The following TENM2 variants were observed in gnomAD, a reference collection of about 807,000 sequenced individuals.
TENM2 encodes teneurin-2.
Under a neutral mutation model 245.2 loss-of-function variants are expected in TENM2, and 52 were observed. That is an observed-to-expected ratio of 0.21 (90% CI 0.17 to 0.27). TENM2 has a LOEUF of 0.27. Among genes scored for constraint, TENM2 ranks in the 10% least tolerant of loss-of-function variants. The pLI, the probability that TENM2 is intolerant of heterozygous loss-of-function variation, is 1.00. For missense variants in TENM2, 3,046 were observed against 3,666.8 expected (o/e 0.83, Z 4.37); for synonymous variants, 1,363 against 1,438.9 (o/e 0.95, Z 1.19).
intron 2 of TENM2, among the ~76,000 whole-genome samples, chr5:167,720,380 G>A (rs1315265963): frequency 6.6e-6 from 1 of 152,164 alleles, no homozygotes; most frequent in African/African-American, 2.4e-5. Context: ...GGATAGTCCA[G>A]GCAGTGATGA....
chr5:167,105,448 A>G, the TENM2 span, among the ~76,000 whole-genome samples: 1 of 152,194 alleles, frequency 6.6e-6, no homozygotes. Context: ...ATTAATTAAT[A>G]CATTTTAACC....
chr5:167,941,959 G>A (rs1779218522), intron 3 of TENM2, among the ~76,000 whole-genome samples: 1 of 152,158 alleles, frequency 6.6e-6, no homozygotes, highest in East Asian at 1.9e-4. Context: ...TGTAATCCCA[G>A]CACTTTGGGA....
chr5:167,626,420 A>G (rs1778504762), intron 2 of TENM2, among the ~76,000 whole-genome samples: 1 of 152,246 alleles, frequency 6.6e-6, no homozygotes, highest in African/African-American at 2.4e-5. Flanking sequence ...GGTGTCATAC[A>G]TAAAACAATT....
chr5:168,142,230 C>G (rs749355810), intron 12 of TENM2, among the ~76,000 whole-genome samples: 1 of 152,206 alleles, frequency 6.6e-6, no homozygotes, highest in African/African-American at 2.4e-5. Context: ...AGAGTTTCTA[C>G]TTTCGGCCCT....
In TENM2 at chr5:167,286,477, A is replaced by G. The variant is rs144179912; in HGVS notation, c.226+1414A>G. Among the ~76,000 whole-genome samples, 29 of 152,334 alleles carry G rather than the reference A, an allele frequency of 1.9e-4. No individual in the cohort carries two copies. In the East Asian group the frequency reaches 4.4e-3, roughly 23 times the overall value. On this transcript the variant is annotated intron_variant, in intron 1 of 28. Coordinates refer to ENST00000518659, the Ensembl canonical transcript of TENM2. ...AGTGGCAATTGGAAAAAAAATATGA[A>G]GAATCATGGCTTAATTAACTGAGAG...
chr5:167,349,906 A>C (rs1001138865), intron 1 of TENM2, among the ~76,000 whole-genome samples: 1 of 145,762 alleles, frequency 6.9e-6, no homozygotes, highest in African/African-American at 2.8e-5. Context: ...ATAATTTTAC[A>C]TATTGGTCAG....
intron 2 of TENM2, among the ~76,000 whole-genome samples, chr5:167,807,250 G>T (rs1469498710): frequency 6.7e-6 from 1 of 149,878 alleles, no homozygotes; most frequent in East Asian, 2.1e-4. Context: ...GGGGGGTAAG[G>T]TTAATTCTTT....
intron 5 of TENM2, among the ~76,000 whole-genome samples, chr5:168,002,475 C>T (rs1784484418): frequency 1.3e-5 from 2 of 152,176 alleles, no homozygotes; most frequent in Admixed American, 1.3e-4. Context: ...GTGTCAAATG[C>T]ATTCTGTTCT....
the TENM2 span, among the ~76,000 whole-genome samples, chr5:166,995,689 G>GCCA: frequency 2.6e-5 from 4 of 151,364 alleles, no homozygotes; most frequent in Non-Finnish European, 5.9e-5. Context: ...GGTGGCAGGT[G>GCCA]CCTATAATCC....
chr5:168,204,750 C>A, intron 19 of TENM2, 129 bp downstream of exon 21: 2 of 1,213,874 alleles, frequency 1.6e-6, no homozygotes, highest in Non-Finnish European at 2.3e-6. Context: ...AAAACCTAGG[C>A]CCAGAATCAA....
intron 1 of TENM2, among the ~76,000 whole-genome samples, chr5:167,349,098 A>G (rs1159058064): frequency 6.6e-6 from 1 of 152,186 alleles, no homozygotes; most frequent in Non-Finnish European, 1.5e-5. Flanking sequence ...CTAAGCTGTT[A>G]TATTCTGAGT....
At chr5:167,824,578 T>G (rs920775582) in intron 2 of TENM2, among the ~76,000 whole-genome samples, 7 of 152,154 alleles carry the variant, frequency 4.6e-5, no homozygotes, top group African/African-American at 1.7e-4. Flanking sequence ...CTTCAAGTAC[T>G]GAGTTCAGTA....
chr5:167,498,477 G>A (rs1315493432), intron 2 of TENM2, among the ~76,000 whole-genome samples: 2 of 152,046 alleles, frequency 1.3e-5, no homozygotes, highest in Non-Finnish European at 2.9e-5. Flanking sequence ...AATATTTCAG[G>A]GATGACCCTG....
At chr5:168,092,759 T>G (rs1291897328) in intron 8 of TENM2, among the ~76,000 whole-genome samples, 2 of 152,232 alleles carry the variant, frequency 1.3e-5, no homozygotes, top group African/African-American at 4.8e-5. Flanking sequence ...TGTGTCACTC[T>G]GTGTTTGAAC....
intron 2 of TENM2, among the ~76,000 whole-genome samples, chr5:167,814,584 T>A (rs1484160021): frequency 6.6e-6 from 1 of 151,442 alleles, no homozygotes; most frequent in Admixed American, 6.6e-5. Context: ...GTGGTGTAAG[T>A]ATGCAAGATA....
chr5:167,708,395 A>G (rs1243316570), intron 2 of TENM2, among the ~76,000 whole-genome samples: 1 of 152,198 alleles, frequency 6.6e-6, no homozygotes, highest in Non-Finnish European at 1.5e-5. Context: ...GATACTGTCT[A>G]CTTGCCCACC....
At chr5:167,200,915 T>C in the TENM2 span, among the ~76,000 whole-genome samples, 1 of 152,154 alleles carries the variant, frequency 6.6e-6, no homozygotes, top group African/African-American at 2.4e-5. Flanking sequence ...AAGAAAGGCA[T>C]TGAGTTCCAA....
At chr5:167,074,233 A>T in the TENM2 span, among the ~76,000 whole-genome samples, 1 of 152,234 alleles carries the variant, frequency 6.6e-6, no homozygotes, top group Admixed American at 6.5e-5. Flanking sequence ...GGAGATATTA[A>T]AAACTCATAA....
At chr5:167,742,488 ATGTCC>A (rs949297310) in intron 2 of TENM2, among the ~76,000 whole-genome samples, 6 of 152,070 alleles carry the variant, frequency 3.9e-5, no homozygotes, top group Non-Finnish European at 7.4e-5. Flanking sequence ...TGCTGTGTAT[ATGTCC>A]ATGTGGTTAG....
Sources: gnomAD v4.1 joint callset for allele counts (sites outside exome capture counted in the v4.1 genomes callset) on GRCh38, gnomAD v4.1.1 for gene constraint, MANE v1.5 for transcripts, NCBI Gene and HGNC (gene_info 2026-07-23, HGNC 2026-07-21) for gene names.